The following NRXN3 variants were observed in gnomAD, a reference collection of about 807,000 sequenced individuals.
NRXN3 encodes the protein neurexin 3.
NRXN3 carries 32 observed loss-of-function variants against 137.6 expected under a neutral mutation model. That is an observed-to-expected ratio of 0.23 (90% CI 0.18 to 0.31). The LOEUF is 0.31. Among genes scored for constraint, NRXN3 ranks in the 10% least tolerant of loss-of-function variants. The probability of loss-of-function intolerance (pLI) is 1.00; values close to 1 mark genes in which losing one functional copy is unlikely to be tolerated. For synonymous variants in NRXN3, 798 were observed against 784.5 expected (o/e 1.02, Z -0.29); for missense variants, 1,574 against 2,062.5 (o/e 0.76, Z 4.59).
At chr14:78,856,564 A>G (rs1178862224) in intron 10 of NRXN3, among the ~76,000 whole-genome samples, 3 of 152,082 alleles carry the variant, frequency 2.0e-5, no homozygotes, top group African/African-American at 7.2e-5. Context: ...GTCTCTTCTT[A>G]TACGTTTTTC....
chr14:79,204,417 G>C (rs1461794674), intron 15 of NRXN3, among the ~76,000 whole-genome samples: 1 of 151,790 alleles, frequency 6.6e-6, no homozygotes, highest in East Asian at 1.9e-4. Context: ...TCCAAGGTTT[G>C]AGTAAAAAAA....
chr14:78,184,417 C>T (rs2060060773), intron 1 of NRXN3, among the ~76,000 whole-genome samples: 1 of 152,158 alleles, frequency 6.6e-6, no homozygotes, highest in African/African-American at 2.4e-5. Flanking sequence ...CAAATTTTGG[C>T]ATCTCAAGTC....
chr14:79,768,606 A>T (rs1228295897), intron 19 of NRXN3, among the ~76,000 whole-genome samples: 1 of 152,210 alleles, frequency 6.6e-6, no homozygotes, highest in Non-Finnish European at 1.5e-5. Context: ...GGACATCCAC[A>T]CCAAAAACCC....
chr14:78,894,024 T>C (rs2099166650), intron 10 of NRXN3, among the ~76,000 whole-genome samples: 1 of 151,980 alleles, frequency 6.6e-6, no homozygotes, highest in Admixed American at 6.6e-5. Flanking sequence ...CAGTGGGTCA[T>C]AATCTTCTTA....
chr14:79,122,035 A>C (rs539942408), intron 15 of NRXN3, among the ~76,000 whole-genome samples: 1 of 152,318 alleles, frequency 6.6e-6, no homozygotes, highest in Non-Finnish European at 1.5e-5. Flanking sequence ...GAGGATGATC[A>C]TTCACTTTTA....
chr14:79,506,491 C>T (rs1338440792), intron 16 of NRXN3, among the ~76,000 whole-genome samples: 1 of 152,106 alleles, frequency 6.6e-6, no homozygotes, highest in East Asian at 1.9e-4. Flanking sequence ...GAATTGGATC[C>T]AGAACAAGAT....
chr14:79,407,433 GA>G (rs1244683128), intron 15 of NRXN3, among the ~76,000 whole-genome samples: 1 of 152,092 alleles, frequency 6.6e-6, no homozygotes, highest in Non-Finnish European at 1.5e-5. Flanking sequence ...GCATAGTTAT[GA>G]TGGAGAAAGT....
intron 10 of NRXN3, among the ~76,000 whole-genome samples, chr14:78,894,194 A>G (rs1308143287): frequency 6.6e-6 from 1 of 151,970 alleles, no homozygotes; most frequent in Non-Finnish European, 1.5e-5. Context: ...TCTTTGTAGC[A>G]TACGATGCTG....
At chr14:79,693,723 C>T (rs539707933) in intron 18 of NRXN3, among the ~76,000 whole-genome samples, 13 of 151,584 alleles carry the variant, frequency 8.6e-5, no homozygotes, top group Admixed American at 5.9e-4. Flanking sequence ...AGAATTGTTA[C>T]CCGTTGGCTT....
intron 15 of NRXN3, among the ~76,000 whole-genome samples, chr14:79,115,737 A>T (rs73324743): frequency 0.012 from 1,787 of 152,304 alleles, 35 homozygotes; most frequent in African/African-American, 0.04. Flanking sequence ...AAGCATATTG[A>T]GTATATGATC....
intron 15 of NRXN3, among the ~76,000 whole-genome samples, chr14:79,458,555 C>T (rs2096285966): frequency 6.6e-6 from 1 of 152,106 alleles, no homozygotes; most frequent in Non-Finnish European, 1.5e-5. Flanking sequence ...TGTGCATTCA[C>T]AGTGTTGAGA....
chr14:78,211,502 G>T (rs1228654547), intron 1 of NRXN3, among the ~76,000 whole-genome samples: 3 of 152,204 alleles, frequency 2.0e-5, no homozygotes, highest in Non-Finnish European at 4.4e-5. Context: ...GGCCCTCTCA[G>T]GCAGCTGAGC....
At chr14:78,653,252 C>G (rs1172927542) in intron 6 of NRXN3, among the ~76,000 whole-genome samples, 2 of 152,130 alleles carry the variant, frequency 1.3e-5, no homozygotes, top group Non-Finnish European at 2.9e-5. Flanking sequence ...CCCTTCCTCA[C>G]TGGGATTTAC....
chr14:79,128,471 G>T (rs1397368203), intron 15 of NRXN3, among the ~76,000 whole-genome samples: 1 of 150,484 alleles, frequency 6.6e-6, no homozygotes, highest in East Asian at 1.9e-4. Context: ...TTATATGCTG[G>T]ATTACATTTA....
chr14:79,482,621 C>T (rs1031906786), intron 16 of NRXN3, among the ~76,000 whole-genome samples: 4 of 152,034 alleles, frequency 2.6e-5, no homozygotes, highest in Non-Finnish European at 5.9e-5. Flanking sequence ...TCCTTCTGAA[C>T]ATCCATCTAC....
chr14:79,569,602 CGTGTGTGT>C (rs3061386), intron 16 of NRXN3, among the ~76,000 whole-genome samples: 1 of 145,514 alleles, frequency 6.9e-6, no homozygotes, highest in African/African-American at 2.5e-5. Context: ...GAATGAGCAA[CGTGTGTGT>C]GTGTGTGTGT....
chr14:78,962,858 C>T (rs774828435), intron 11 of NRXN3, among the ~76,000 whole-genome samples: 4 of 152,102 alleles, frequency 2.6e-5, no homozygotes, highest in African/African-American at 4.8e-5. Context: ...GGACTACAGG[C>T]GTGTGCCACC....
At chr14:78,896,762 G>A (rs2099176682) in intron 10 of NRXN3, among the ~76,000 whole-genome samples, 1 of 151,918 alleles carries the variant, frequency 6.6e-6, no homozygotes, top group East Asian at 1.9e-4. Context: ...TTGGAAAGAG[G>A]AGAGGAACAT....
intron 4 of NRXN3, among the ~76,000 whole-genome samples, chr14:78,431,542 G>T (rs541227482): frequency 6.6e-6 from 1 of 152,120 alleles, no homozygotes; most frequent in African/African-American, 2.4e-5. Context: ...TAAATCTTTT[G>T]TGTAGGCAAA....
Sources: gnomAD v4.1 joint callset for allele counts (sites outside exome capture counted in the v4.1 genomes callset) on GRCh38, gnomAD v4.1.1 for gene constraint, MANE v1.5 for transcripts, NCBI Gene and HGNC (gene_info 2026-07-23, HGNC 2026-07-21) for gene names.